Variants in PICALM observed in about 807,000 individuals in gnomAD.
PICALM encodes the protein phosphatidylinositol-binding clathrin assembly protein.
Under a neutral mutation model 80.5 loss-of-function variants are expected in PICALM, and 40 were observed. That is an observed-to-expected ratio of 0.50 (90% CI 0.39 to 0.65). The LOEUF (loss-of-function observed/expected upper bound fraction) is 0.65, where lower values mean the gene tolerates loss of function less well. Among genes scored for constraint, PICALM ranks in the 30% least tolerant of loss-of-function variants. PICALM has a pLI of 0.00. For synonymous variants in PICALM, 288 were observed against 260.3 expected (o/e 1.11, Z -1.02); for missense variants, 676 against 778.9 (o/e 0.87, Z 1.57).
chr11:86,000,565 C>T lies in PICALM; in HGVS notation c.1154+78G>A, dbSNP rs529170231. On this transcript the variant is annotated intron_variant, in intron 11 of 19. Coordinates refer to ENST00000393346, the MANE Select transcript of PICALM (RefSeq NM_007166.4). Reference sequence around the variant, plus strand: ...TTATAAAAGCATAAATAAAAGTAAACCTGAAAAGTTCTGCAAAATTTCTAT... The same window carrying T: ...TTATAAAAGCATAAATAAAAGTAAATCTGAAAAGTTCTGCAAAATTTCTAT... The T allele has an allele frequency of 2.0e-5, 23 of 1,150,810 alleles. 2 individuals are homozygous for T. The South Asian group carries it at 3.2e-4, about 16-fold the overall frequency. 71.3% of individuals were successfully genotyped at this position (1,150,810 alleles called of 1,614,324 possible).
At chr11:86,024,435 C>T (rs1431140154) in intron 3 of PICALM, among the ~76,000 whole-genome samples, 2 of 135,440 alleles carry the variant, frequency 1.5e-5, no homozygotes, top group South Asian at 4.6e-4. Context: ...AAAAAAAATT[C>T]CCCTGATCTT....
intron 1 of PICALM, among the ~76,000 whole-genome samples, chr11:86,044,484 A>G (rs746190974): frequency 6.6e-6 from 1 of 152,248 alleles, no homozygotes; most frequent in South Asian, 2.1e-4. Flanking sequence ...CGTATATAGT[A>G]CCAGACGGTG....
chr11:85,976,368 G>C (rs141456129), intron 18 of PICALM, among the ~76,000 whole-genome samples: 1 of 152,096 alleles, frequency 6.6e-6, no homozygotes, highest in Non-Finnish European at 1.5e-5. Context: ...ATTAATGTTT[G>C]AAATATAAAA....
At chr11:86,055,754 T>G (rs2137486098) in intron 1 of PICALM, among the ~76,000 whole-genome samples, 1 of 152,278 alleles carries the variant, frequency 6.6e-6, no homozygotes, top group African/African-American at 2.4e-5. Flanking sequence ...GAGCTAAAAT[T>G]TCTTCCTAAA....
chr11:86,067,725 AAC>A (rs1268854043), intron 1 of PICALM, among the ~76,000 whole-genome samples: 39 of 152,204 alleles, frequency 2.6e-4, no homozygotes, highest in Admixed American at 9.2e-4. Flanking sequence ...GTCTACGCTT[AAC>A]ACTCAAGCTT....
intron 9 of PICALM, 24 bp downstream of exon 9, chr11:86,003,342 T>C: frequency 7.0e-7 from 1 of 1,437,136 alleles, no homozygotes; most frequent in African/African-American, 1.4e-5. Context: ...ACTCTGGCTT[T>C]TTGGCCTACA....
Position 85,981,936 on chromosome 11 carries a change from G to A in PICALM, c.1584C>T (p.Ala528=). ...VASQNQNLPV[A]KLPPSKLVSD... The stretch of plus-strand genomic sequence containing the variant: ...ATACTAACTTGCTAGGTGGGAGTTT[G>A]GCAACAGGAAGGTTCTGGTTCTGAG... The change falls in exon 15 of 20, where the codon GCC becomes GCT. Residue 528 remains alanine (A), a synonymous_variant. Transcript: ENST00000393346. 2.5e-6 allele frequency: 4 copies of A among 1,613,014 alleles called. No individual in the cohort carries two copies. Among genetic ancestry groups the A allele is most frequent in the East Asian group, 2.2e-5 (1 of 44,868 alleles).
intron 1 of PICALM, among the ~76,000 whole-genome samples, chr11:86,046,313 C>G (rs1371766101): frequency 6.6e-6 from 1 of 152,124 alleles, no homozygotes; most frequent in Non-Finnish European, 1.5e-5. Context: ...GAATCAAATT[C>G]GAGATTCATG....
chr11:85,959,150 G>A, intron 19 of PICALM, 90 bp from the exon 20 acceptor site: 2 of 794,698 alleles, frequency 2.5e-6, no homozygotes, highest in Non-Finnish European at 4.0e-6. Context: ...CCATTTAACT[G>A]GCCCAGAAGT....
chr11:85,961,617 G>A (rs1347103275), intron 19 of PICALM, among the ~76,000 whole-genome samples: 5 of 152,146 alleles, frequency 3.3e-5, no homozygotes, highest in African/African-American at 9.7e-5. Flanking sequence ...TGACATGAGC[G>A]TTTCAAACCC....
chr11:85,996,194 C>A (rs2094954514), intron 12 of PICALM, among the ~76,000 whole-genome samples: 1 of 152,092 alleles, frequency 6.6e-6, no homozygotes, highest in East Asian at 1.9e-4. Flanking sequence ...TATAAAAACT[C>A]ATTAGAATAA....
chr11:85,998,347 A>G (rs142302281), intron 11 of PICALM, among the ~76,000 whole-genome samples: 2,679 of 148,426 alleles, frequency 0.018, 39 homozygotes, highest in Middle Eastern at 0.033. Context: ...TCCTGACCTC[A>G]TGATGCGCCC....
chr11:86,001,543 A>G (rs778254452), intron 9 of PICALM, among the ~76,000 whole-genome samples: 1 of 152,214 alleles, frequency 6.6e-6, no homozygotes, highest in Non-Finnish European at 1.5e-5. Flanking sequence ...ACCCTCTGCT[A>G]ATTTACAGCC....
intron 13 of PICALM, among the ~76,000 whole-genome samples, chr11:85,984,419 C>T (rs1402179428): frequency 6.6e-6 from 1 of 152,122 alleles, no homozygotes; most frequent in African/African-American, 2.4e-5. Context: ...CTCCCTCCCA[C>T]CTACCCATTT....
At chr11:85,975,933 G>A (rs901189013) in intron 18 of PICALM, among the ~76,000 whole-genome samples, 7 of 152,100 alleles carry the variant, frequency 4.6e-5, no homozygotes, top group African/African-American at 1.7e-4. Context: ...ATGAAAAAAA[G>A]CTGTGAAACT....
At chr11:86,040,137 T>C (rs971761147) in intron 1 of PICALM, among the ~76,000 whole-genome samples, 2 of 151,854 alleles carry the variant, frequency 1.3e-5, no homozygotes, top group South Asian at 2.1e-4. Flanking sequence ...ATGGTGATAG[T>C]CTGTGAAAAA....
intron 1 of PICALM, among the ~76,000 whole-genome samples, chr11:86,065,266 T>C (rs2001241): frequency 0.16 from 24,104 of 151,916 alleles, 2,472 homozygotes; most frequent in Middle Eastern, 0.25. Flanking sequence ...GCCAACATGG[T>C]GAAACCCCAT....
At chr11:86,029,374 G>A (rs1489011925) in intron 2 of PICALM, among the ~76,000 whole-genome samples, 1 of 152,166 alleles carries the variant, frequency 6.6e-6, no homozygotes, top group Non-Finnish European at 1.5e-5. Context: ...AACATCTGAA[G>A]GTTGTACAAA....
At chr11:86,033,272 G>GTA (rs969333028) in intron 1 of PICALM, among the ~76,000 whole-genome samples, 3 of 151,872 alleles carry the variant, frequency 2.0e-5, no homozygotes, top group African/African-American at 7.3e-5. Context: ...GGTGCATGGT[G>GTA]TGTGTGTATA....
Sources: allele counts gnomAD v4.1 joint callset (sites outside exome capture counted in the v4.1 genomes callset), GRCh38; gene constraint gnomAD v4.1.1; transcripts MANE v1.5; gene names NCBI Gene and HGNC (gene_info 2026-07-23, HGNC 2026-07-21).